The following SGCZ variants were observed in gnomAD, a reference collection of about 807,000 sequenced individuals.
SGCZ encodes sarcoglycan zeta.
SGCZ carries 40 observed loss-of-function variants against 41.3 expected under a neutral mutation model. That is an observed-to-expected ratio of 0.97 (90% CI 0.75 to 1.26). SGCZ has a LOEUF of 1.26. Ranked by LOEUF, SGCZ falls within the 50% of genes most tolerant of loss-of-function variation. The pLI is 0.00. For synonymous variants in SGCZ, 206 were observed against 137.5 expected, an observed-to-expected ratio of 1.50 and a Z score of -3.49; for missense variants, 552 against 369.8, an observed-to-expected ratio of 1.49 and a Z score of -4.04.
At chr8:14,737,500 G>A (rs936158750) in intron 1 of SGCZ, among the ~76,000 whole-genome samples, 5 of 152,070 alleles carry the variant, frequency 3.3e-5, no homozygotes, top group African/African-American at 1.2e-4. Context: ...CTCAAGCACT[G>A]TATTACCTTG....
intron 1 of SGCZ, among the ~76,000 whole-genome samples, chr8:15,133,495 T>C (rs1290418895): frequency 6.6e-6 from 1 of 152,168 alleles, no homozygotes; most frequent in African/African-American, 2.4e-5. Context: ...CTCGTTATCT[T>C]CCCTGCTCTT....
chr8:14,321,512 T>C (rs1319521166), intron 3 of SGCZ, among the ~76,000 whole-genome samples: 3 of 150,460 alleles, frequency 2.0e-5, no homozygotes, highest in East Asian at 4.0e-4. Context: ...TATCTTTCCA[T>C]GTGTAGGACT....
At chr8:14,721,714 A>G (rs994500618) in intron 1 of SGCZ, among the ~76,000 whole-genome samples, 1 of 152,190 alleles carries the variant, frequency 6.6e-6, no homozygotes, top group African/African-American at 2.4e-5. Context: ...CAATCACAGT[A>G]ATGTCATAAC....
intron 2 of SGCZ, among the ~76,000 whole-genome samples, chr8:14,412,712 T>A (rs67565539): frequency 1.3e-5 from 2 of 151,790 alleles, no homozygotes; most frequent in Non-Finnish European, 2.9e-5. Flanking sequence ...CAAGGGCTAA[T>A]GTATTCAATA....
At chr8:14,510,742 A>G (rs1422626560) in intron 2 of SGCZ, among the ~76,000 whole-genome samples, 3 of 152,190 alleles carry the variant, frequency 2.0e-5, no homozygotes, top group African/African-American at 7.2e-5. Flanking sequence ...TTGCCTCAGA[A>G]CATTTACTTT....
At chr8:14,706,547 G>C (rs912358767) in intron 1 of SGCZ, among the ~76,000 whole-genome samples, 6 of 151,998 alleles carry the variant, frequency 3.9e-5, no homozygotes, top group African/African-American at 1.4e-4. Context: ...AAGTTGAATA[G>C]GACATTAGAG....
At chr8:14,409,898 A>G (rs1466053314) in intron 2 of SGCZ, among the ~76,000 whole-genome samples, 6 of 152,154 alleles carry the variant, frequency 3.9e-5, no homozygotes, top group African/African-American at 1.2e-4. Context: ...GACACAATAT[A>G]TGGGAGGTAA....
intron 3 of SGCZ, among the ~76,000 whole-genome samples, chr8:14,317,617 C>T (rs1260683105): frequency 6.6e-6 from 1 of 151,688 alleles, no homozygotes; most frequent in African/African-American, 2.4e-5. Context: ...AGGAAATATG[C>T]AATGCTTATA....
At chr8:14,837,953 G>A (rs539693106) in intron 1 of SGCZ, among the ~76,000 whole-genome samples, 201 of 151,586 alleles carry the variant, frequency 1.3e-3, no homozygotes, top group Admixed American at 2.4e-3. Flanking sequence ...TAGTTATTTC[G>A]AATTATACAA....
chr8:14,671,578 C>T (rs531399920), intron 1 of SGCZ, among the ~76,000 whole-genome samples: 1 of 151,984 alleles, frequency 6.6e-6, no homozygotes, highest in East Asian at 1.9e-4. Context: ...CTTCAGGGTG[C>T]CCAGGTGAGA....
rs554280622 is a variant in SGCZ at position 14,913,553 on chromosome 8, T to A, written c.39+324032A>T. ...AAAAGTTTATTGTTTCCTAGAAGAC[T>A]ATGTTAAGATGTCTCTGCAACAAAG... On this transcript the variant is annotated intron_variant, in intron 1 of 7. Coordinates refer to ENST00000382080, the MANE Select transcript of SGCZ (RefSeq NM_139167.4). 3.3e-5 allele frequency among the ~76,000 whole-genome samples: 5 copies of A among 152,250 alleles called. No individual in the cohort carries two copies. The South Asian group carries it at 1.0e-3, about 32-fold the overall frequency.
chr8:14,998,164 G>T (rs17120703), intron 1 of SGCZ, among the ~76,000 whole-genome samples: 55,549 of 151,918 alleles, frequency 0.37, 11,142 homozygotes, highest in African/African-American at 0.53. Flanking sequence ...ATACTTAAAA[G>T]CCCAGAGGCA....
intron 1 of SGCZ, among the ~76,000 whole-genome samples, chr8:14,839,107 C>G (rs910395578): frequency 1.3e-5 from 2 of 151,980 alleles, no homozygotes; most frequent in Admixed American, 6.6e-5. Flanking sequence ...TCAGGAAGAT[C>G]GAAAAGACTG....
chr8:14,377,578 T>G (rs189067964), intron 2 of SGCZ, among the ~76,000 whole-genome samples: 1 of 152,180 alleles, frequency 6.6e-6, no homozygotes, highest in East Asian at 1.9e-4. Flanking sequence ...GTGCACATTG[T>G]GCAGGTTAGT....
chr8:15,124,296 G>GA (rs1340593986), intron 1 of SGCZ, among the ~76,000 whole-genome samples: 1 of 152,022 alleles, frequency 6.6e-6, no homozygotes, highest in Non-Finnish European at 1.5e-5. Context: ...AGGATGGAGA[G>GA]AAAAAAAGAA....
intron 1 of SGCZ, among the ~76,000 whole-genome samples, chr8:14,920,900 T>C (rs185750194): frequency 3.3e-4 from 50 of 152,298 alleles, no homozygotes; most frequent in African/African-American, 5.8e-4. Context: ...TGAACCAGAA[T>C]TGAAACAATC....
At chr8:14,809,301 GAAA>G (rs527325120) in intron 1 of SGCZ, among the ~76,000 whole-genome samples, 19 of 152,130 alleles carry the variant, frequency 1.2e-4, no homozygotes, top group African/African-American at 4.6e-4. Context: ...AAATGTGTAA[GAAA>G]ATTTCATCAT....
At position 14,820,659 on chromosome 8, in the gene SGCZ, G is replaced by A. The variant is rs373728344; in HGVS notation, c.40-265733C>T. On this transcript the variant is annotated intron_variant, in intron 1 of 7. Transcript: ENST00000382080. ...GTAAGTATCTTTTCTAGCCACCATG[G>A]TGTAAAACTAGAAGTCAACAAGAAA... Among the ~76,000 whole-genome samples, 32 of 152,064 alleles carry A rather than the reference G, an allele frequency of 2.1e-4. 1 individual carries two copies. The East Asian group carries it at 2.3e-3, about 11-fold the overall frequency.
At chr8:14,664,029 C>T (rs976982375) in intron 1 of SGCZ, among the ~76,000 whole-genome samples, 1 of 152,130 alleles carries the variant, frequency 6.6e-6, no homozygotes, top group Non-Finnish European at 1.5e-5. Context: ...TCAAAATTCA[C>T]TCCAACTATG....
Sources: allele counts gnomAD v4.1 joint callset (sites outside exome capture counted in the v4.1 genomes callset), GRCh38; gene constraint gnomAD v4.1.1; transcripts MANE v1.5; gene names NCBI Gene and HGNC (gene_info 2026-07-23, HGNC 2026-07-21).